Variants in BMPR2 observed in about 807,000 individuals in gnomAD.
BMPR2 encodes the protein bone morphogenetic protein receptor type-2.
In BMPR2, 29 loss-of-function variants were observed where a neutral mutation model predicts 100.8. That is an observed-to-expected ratio of 0.29 (90% CI 0.21 to 0.39). The LOEUF (loss-of-function observed/expected upper bound fraction) is 0.39, where lower values mean the gene tolerates loss of function less well. BMPR2 is among the 10% of genes least tolerant of loss of function. BMPR2 has a pLI of 1.00. For synonymous variants in BMPR2, 382 were observed against 442.3 expected, an observed-to-expected ratio of 0.86 and a Z score of 1.71; for missense variants, 1,011 against 1,274.5, an observed-to-expected ratio of 0.79 and a Z score of 3.15.
At chr2:202,542,004 G>A (rs1167752054) in intron 9 of BMPR2, among the ~76,000 whole-genome samples, 1 of 151,796 alleles carries the variant, frequency 6.6e-6, no homozygotes, top group Non-Finnish European at 1.5e-5. Flanking sequence ...CAAGCTACTC[G>A]GGAGGCTGAG....
At position 202,520,196 on chromosome 2, in the gene BMPR2, G is replaced by A. The variant is rs556499593; in HGVS notation, c.962G>A (p.Arg321Gln). 1.7e-5 allele frequency: 27 copies of A among 1,605,832 alleles called. No homozygotes were observed. The highest frequency in any genetic ancestry group is 4.4e-5 in the South Asian group (4 of 90,906). The change falls in exon 7 of 13, where the codon CGA becomes CAA. Residue 321 changes from arginine (R) to glutamine (Q), a missense_variant. This residue lies in a region of BMPR2 where 355 missense variants were observed against 455.3 expected (regional missense o/e 0.78). Transcript: ENST00000374580. ...GCTTATCTTCACACAGAATTACCAC[G>A]AGGAGGTAAGATAGTCAATAGATGA... ...GLAYLHTELPRGDHYKPAISH... is the reference protein window; with the variant it reads ...GLAYLHTELPQGDHYKPAISH...
chr2:202,417,113 G>C (rs1201564825), intron 1 of BMPR2, among the ~76,000 whole-genome samples: 1 of 151,978 alleles, frequency 6.6e-6, no homozygotes, highest in Non-Finnish European at 1.5e-5. Flanking sequence ...TGGGATTACA[G>C]GCGTGAGCCG....
chr2:202,449,308 CAAATAAATAAATAAATAAAT>C (rs200671172), intron 1 of BMPR2, among the ~76,000 whole-genome samples: 5 of 142,980 alleles, frequency 3.5e-5, no homozygotes, highest in East Asian at 4.2e-4. Context: ...AACTCCATCT[CAAATAAATAAATAAATAAAT>C]AAATAAATAA....
At chr2:202,530,982 G>T (rs1688014115) in intron 8 of BMPR2, 28 bp downstream of exon 8, 1 of 1,612,196 alleles carries the variant, frequency 6.2e-7, no homozygotes, top group Non-Finnish European at 8.5e-7. Flanking sequence ...GTATCACACT[G>T]ATGTACTTTG....
intron 3 of BMPR2, among the ~76,000 whole-genome samples, chr2:202,467,983 G>T (rs1044917039): frequency 7.2e-5 from 11 of 152,072 alleles, no homozygotes; most frequent in Non-Finnish European, 1.2e-4. Flanking sequence ...GGAGGCAGAG[G>T]TTGCAGTGAG....
chr2:202,533,755 G>T (rs1178499564), intron 9 of BMPR2, among the ~76,000 whole-genome samples: 1 of 151,876 alleles, frequency 6.6e-6, no homozygotes, highest in East Asian at 1.9e-4. Context: ...CCCAGTAGGC[G>T]GAGGTTGCAG....
At chr2:202,482,248 C>A (rs926667388) in intron 3 of BMPR2, among the ~76,000 whole-genome samples, 19 of 152,180 alleles carry the variant, frequency 1.2e-4, no homozygotes, top group Non-Finnish European at 2.5e-4. Flanking sequence ...TTACTTCTAC[C>A]TCTTGGCTAT....
At chr2:202,409,589 A>G (rs1690971489) in intron 1 of BMPR2, among the ~76,000 whole-genome samples, 3 of 152,136 alleles carry the variant, frequency 2.0e-5, no homozygotes. Flanking sequence ...AATGACAGAC[A>G]TATGATCTCC....
chr2:202,530,432 T>C (rs1255119451), intron 7 of BMPR2, among the ~76,000 whole-genome samples: 1 of 152,178 alleles, frequency 6.6e-6, no homozygotes, highest in African/African-American at 2.4e-5. Context: ...TTTTCACTGA[T>C]ACTTATTTTA....
intron 5 of BMPR2, among the ~76,000 whole-genome samples, chr2:202,515,383 C>T (rs879625937): frequency 8.6e-5 from 13 of 151,670 alleles, no homozygotes; most frequent in African/African-American, 3.1e-4. Context: ...ACCAGCCTGA[C>T]CAACATGAAG....
chr2:202,467,935 T>C (rs1692360555), intron 3 of BMPR2, among the ~76,000 whole-genome samples: 1 of 151,840 alleles, frequency 6.6e-6, no homozygotes, highest in South Asian at 2.1e-4. Flanking sequence ...GTAATCCCGC[T>C]ACTCAGGAGG....
At position 202,376,944 on chromosome 2, in the gene BMPR2, C is replaced by T. The variant is rs1690158933; in HGVS notation, c.-531C>T. 1 of 445,870 alleles carries T rather than the reference C, an allele frequency of 2.2e-6. No homozygotes were observed. The highest frequency in any genetic ancestry group is 3.9e-6 in the Non-Finnish European group (1 of 254,892). 27.6% of individuals were successfully genotyped at this position (445,870 alleles called of 1,614,324 possible). ...TTCGAAATCAGAGTGAAGGAAGCAC[C>T]GAAGCGAAACTTAAGGAATCCTGCC... On this transcript the variant is annotated 5_prime_UTR_variant, in exon 1 of 13. Transcript: ENST00000374580.
At chr2:202,531,022 G>A in intron 8 of BMPR2, 68 bp downstream of exon 8, 1 of 1,583,148 alleles carries the variant, frequency 6.3e-7, no homozygotes, top group South Asian at 1.1e-5. Context: ...ACATCTACTG[G>A]CCAGGTGTGG....
At position 202,564,764 on chromosome 2, in the gene BMPR2, TA is replaced by T. The variant is rs1213222962; in HGVS notation, c.*4819del. 1 of 152,190 alleles carries T rather than the reference TA, an allele frequency of 6.6e-6. No homozygotes were observed. Among genetic ancestry groups the T allele is most frequent in the Non-Finnish European group, 1.5e-5 (1 of 68,048 alleles). The allele number at this position is 152,190 out of a possible 1,614,324, so 9.4% of individuals were successfully genotyped here. On this transcript the variant is annotated 3_prime_UTR_variant, in exon 13 of 13. Transcript: ENST00000374580. ...TACTTTCCTTAAATCACCTCATAGT[TA>T]GGCTGGGCGCGGTGGCTCACGCCTG...
intron 9 of BMPR2, among the ~76,000 whole-genome samples, chr2:202,534,467 G>GCTTGA (rs1559067587): frequency 2.0e-5 from 3 of 151,762 alleles, no homozygotes; most frequent in African/African-American, 7.3e-5. Flanking sequence ...GACTCTTAAC[G>GCTTGA]AGCATGCTGC....
At chr2:202,466,753 C>A (rs1692331286) in intron 2 of BMPR2, among the ~76,000 whole-genome samples, 1 of 151,850 alleles carries the variant, frequency 6.6e-6, no homozygotes, top group Non-Finnish European at 1.5e-5. Context: ...TAGGCACCAC[C>A]ATTCCCAGCT....
intron 1 of BMPR2, among the ~76,000 whole-genome samples, chr2:202,379,120 CT>C (rs912896154): frequency 6.6e-6 from 1 of 151,922 alleles, no homozygotes; most frequent in Admixed American, 6.6e-5. Context: ...TGGTTGTAGT[CT>C]TTTTTTTCTT....
rs776603012 is a variant in BMPR2, at chr2:202,464,849, G to A, written c.117G>A (p.Pro39=). The change falls in exon 2 of 13, where the codon CCG becomes CCA. Residue 39 remains proline, a synonymous_variant. Coordinates refer to ENST00000374580, the MANE Select transcript of BMPR2 (RefSeq NM_001204.7). ...AACGGCTATGTGCGTTTAAAGATCC[G>A]TATCAGCAAGACCTTGGGATAGGTG... ...NQERLCAFKD[P]YQQDLGIGES... is the part of the protein sequence containing the mutation. 1.6e-5 allele frequency: 26 copies of A among 1,613,804 alleles called. No homozygotes were observed. The Admixed American group carries it at 1.8e-4, about 11-fold the overall frequency.
At chr2:202,463,552 C>T (rs1303548433) in intron 1 of BMPR2, among the ~76,000 whole-genome samples, 6 of 152,176 alleles carry the variant, frequency 3.9e-5, no homozygotes, top group African/African-American at 1.4e-4. Flanking sequence ...TCAGAAGCCC[C>T]CAAGGAATAT....
Sources: allele counts gnomAD v4.1 joint callset (sites outside exome capture counted in the v4.1 genomes callset), GRCh38; gene constraint gnomAD v4.1.1; regional missense constraint gnomAD v4.1.1; transcripts MANE v1.5; gene names NCBI Gene and HGNC (gene_info 2026-07-23, HGNC 2026-07-21).